Variants in HDAC9 observed in about 807,000 individuals in gnomAD.
HDAC9 encodes histone deacetylase 9, also known as MEF-2 interacting transcription repressor (MITR) protein.
Under a neutral mutation model 139.4 loss-of-function variants are expected in HDAC9, and 41 were observed. The ratio of observed to expected loss-of-function variants is 0.29; its 90% CI spans 0.23 to 0.38. The LOEUF is 0.38. Among genes scored for constraint, HDAC9 ranks in the 10% least tolerant of loss-of-function variants. The pLI is 1.00. For missense variants in HDAC9, 1,147 were observed against 1,297.0 expected, an observed-to-expected ratio of 0.88 and a Z score of 1.78; for synonymous variants, 517 against 476.2, an observed-to-expected ratio of 1.09 and a Z score of -1.12.
chr7:18,386,703 A>G (rs1785964709), intron 1 of HDAC9, among the ~76,000 whole-genome samples: 1 of 152,220 alleles, frequency 6.6e-6, no homozygotes, highest in Non-Finnish European at 1.5e-5. Flanking sequence ...ATTAAACCAT[A>G]GCTGGAAAAG....
chr7:18,818,839 G>A (rs147986266), intron 17 of HDAC9, among the ~76,000 whole-genome samples: 27 of 152,296 alleles, frequency 1.8e-4, no homozygotes, highest in African/African-American at 6.3e-4. Flanking sequence ...CTATGGGGAT[G>A]TTAGAGAAAT....
intron 1 of HDAC9, among the ~76,000 whole-genome samples, chr7:18,294,469 T>G (rs1798011108): frequency 6.6e-6 from 1 of 152,134 alleles, no homozygotes; most frequent in Non-Finnish European, 1.5e-5. Flanking sequence ...GAAGTTAACT[T>G]TAAACAACCT....
intron 1 of HDAC9, among the ~76,000 whole-genome samples, chr7:18,477,728 T>C (rs1231383465): frequency 6.6e-6 from 1 of 152,198 alleles, no homozygotes; most frequent in African/African-American, 2.4e-5. Context: ...AATTGGCCAT[T>C]ATTCACAAAT....
intron 21 of HDAC9, among the ~76,000 whole-genome samples, chr7:18,859,503 A>G (rs1165003624): frequency 6.6e-6 from 1 of 151,816 alleles, no homozygotes; most frequent in Non-Finnish European, 1.5e-5. Flanking sequence ...ATGTGTTACT[A>G]AATGAGCTTG....
chr7:18,693,840 G>A (rs1442691404), intron 12 of HDAC9, among the ~76,000 whole-genome samples: 1 of 152,170 alleles, frequency 6.6e-6, no homozygotes, highest in Non-Finnish European at 1.5e-5. Flanking sequence ...CATTTAATAT[G>A]TTGCTGTGCA....
chr7:18,798,519 T>C (rs1008146794), intron 17 of HDAC9, among the ~76,000 whole-genome samples: 1 of 152,132 alleles, frequency 6.6e-6, no homozygotes, highest in African/African-American at 2.4e-5. Flanking sequence ...CATAAACTAG[T>C]AACTTGCCAA....
At chr7:18,656,557 A>G (rs1791249563) in intron 11 of HDAC9, among the ~76,000 whole-genome samples, 1 of 152,142 alleles carries the variant, frequency 6.6e-6, no homozygotes, top group Non-Finnish European at 1.5e-5. Context: ...GTTTTGCAAT[A>G]TTGGTCAAGA....
At chr7:18,781,169 C>T (rs1490681531) in intron 16 of HDAC9, among the ~76,000 whole-genome samples, 1 of 151,918 alleles carries the variant, frequency 6.6e-6, no homozygotes, top group South Asian at 2.1e-4. Context: ...TATTAGGGCC[C>T]CACCCTTATG....
chr7:18,622,769 ACTT>A (rs1164983953), intron 6 of HDAC9, among the ~76,000 whole-genome samples: 1 of 152,132 alleles, frequency 6.6e-6, no homozygotes, highest in African/African-American at 2.4e-5. Context: ...AGAATGAAGA[ACTT>A]CTACATACCA....
intron 1 of HDAC9, among the ~76,000 whole-genome samples, chr7:18,313,103 T>G (rs1352353979): frequency 6.6e-6 from 1 of 152,156 alleles, no homozygotes; most frequent in East Asian, 1.9e-4. Context: ...GGGAACAGTT[T>G]GTTCAGCTTT....
chr7:18,912,185 A>G (rs534124623), intron 22 of HDAC9, among the ~76,000 whole-genome samples: 24 of 152,076 alleles, frequency 1.6e-4, no homozygotes, highest in African/African-American at 5.5e-4. Flanking sequence ...GGTATTTACA[A>G]TTGTTAAATA....
intron 14 of HDAC9, among the ~76,000 whole-genome samples, chr7:18,753,144 T>A (rs1788590438): frequency 6.6e-6 from 1 of 152,162 alleles, no homozygotes; most frequent in Admixed American, 6.6e-5. Flanking sequence ...TCAAGAAGGT[T>A]ACTATATGGT....
At chr7:18,404,479 A>C (rs1359443497) in intron 1 of HDAC9, among the ~76,000 whole-genome samples, 1 of 152,234 alleles carries the variant, frequency 6.6e-6, no homozygotes, top group East Asian at 1.9e-4. Flanking sequence ...CTACAGGGTA[A>C]GGGCTGTGTC....
At chr7:18,354,383 A>C (rs1168115188) in intron 1 of HDAC9, among the ~76,000 whole-genome samples, 4 of 152,126 alleles carry the variant, frequency 2.6e-5, no homozygotes, top group Admixed American at 2.6e-4. Context: ...TTGGTTTCTT[A>C]TATTTTGTTT....
intron 2 of HDAC9, among the ~76,000 whole-genome samples, chr7:18,184,242 T>C (rs1252253414): frequency 6.6e-6 from 1 of 152,044 alleles, no homozygotes; most frequent in African/African-American, 2.4e-5. Flanking sequence ...CTACTAAAAA[T>C]ACGAAGTTAG....
chr7:18,841,351 A>G (rs1796570368), intron 21 of HDAC9, among the ~76,000 whole-genome samples: 1 of 152,080 alleles, frequency 6.6e-6, no homozygotes, highest in Non-Finnish European at 1.5e-5. Context: ...TAATTTCATG[A>G]TAAGTGAATG....
chr7:18,092,797 A>G (rs997552542), intron 1 of HDAC9, among the ~76,000 whole-genome samples: 1 of 152,222 alleles, frequency 6.6e-6, no homozygotes, highest in Non-Finnish European at 1.5e-5. Context: ...ATTTAGGAGA[A>G]TAATGGTAAT....
chr7:18,865,277 G>C (rs1171045020), intron 21 of HDAC9, among the ~76,000 whole-genome samples: 1 of 152,154 alleles, frequency 6.6e-6, no homozygotes, highest in Admixed American at 6.5e-5. Context: ...TACATTTCTG[G>C]ATATATTTTG....
chr7:18,145,955 A>G (rs780956039), intron 1 of HDAC9, among the ~76,000 whole-genome samples: 4 of 152,192 alleles, frequency 2.6e-5, no homozygotes, highest in Non-Finnish European at 5.9e-5. Context: ...GGTCAATGGA[A>G]CAAGAGATGA....
Sources: allele counts gnomAD v4.1 joint callset (sites outside exome capture counted in the v4.1 genomes callset), GRCh38; gene constraint gnomAD v4.1.1; transcripts MANE v1.5; gene names NCBI Gene and HGNC (gene_info 2026-07-23, HGNC 2026-07-21).